The following POLR1A variants were observed in gnomAD, a reference collection of about 807,000 sequenced individuals.
POLR1A encodes the protein RNA polymerase I subunit A.
POLR1A carries 84 observed loss-of-function variants against 205.3 expected under a neutral mutation model. That is an observed-to-expected ratio of 0.41 (90% CI 0.34 to 0.49). The LOEUF is 0.49. Ranked by LOEUF, POLR1A falls within the 20% of genes least tolerant of loss-of-function variation. The pLI is 0.22. For missense variants in POLR1A, 1,645 were observed against 2,204.5 expected (o/e 0.75, Z 5.08); for synonymous variants, 799 against 863.7 (o/e 0.93, Z 1.31).
At chr2:86,059,265 T>C (rs140640817) in intron 14 of POLR1A, among the ~76,000 whole-genome samples, 60 of 152,362 alleles carry the variant, frequency 3.9e-4, no homozygotes, top group Admixed American at 7.2e-4. Flanking sequence ...AACATTTAAA[T>C]GAACTTCTTG....
chr2:86,094,200 G>A (rs1673660897), intron 3 of POLR1A, among the ~76,000 whole-genome samples: 1 of 152,206 alleles, frequency 6.6e-6, no homozygotes, highest in Admixed American at 6.5e-5. Flanking sequence ...CTATGTGTGT[G>A]TATGGGAGGG....
chr2:86,052,100 A>T (rs1368091478), intron 16 of POLR1A, among the ~76,000 whole-genome samples: 2 of 152,170 alleles, frequency 1.3e-5, no homozygotes, highest in African/African-American at 4.8e-5. Flanking sequence ...GCTTGCCACG[A>T]CACCTGGCTA....
At position 86,026,263 on chromosome 2, in the gene POLR1A, G is replaced by C. The variant is rs1672245391; in HGVS notation, c.*1160C>G. On this transcript the variant is annotated 3_prime_UTR_variant, in exon 34 of 34. Coordinates refer to ENST00000263857, the MANE Select transcript of POLR1A (RefSeq NM_015425.6). ...GAAGAGGGACCCAAGACCTGACTGT[G>C]CCAAGAAAATCCCCGCCCTGGGTTC... The C allele has an allele frequency of 6.6e-6, 1 of 152,158 alleles. No individual in the cohort carries two copies. Among genetic ancestry groups the C allele is most frequent in the Non-Finnish European group, 1.5e-5 (1 of 68,024 alleles). 9.4% of individuals were successfully genotyped at this position (152,158 alleles called of 1,614,324 possible). A position where few individuals can be genotyped will look rare whatever the true frequency, so the allele number is the denominator to read the frequency against.
intron 3 of POLR1A, among the ~76,000 whole-genome samples, chr2:86,091,854 C>T (rs1009028552): frequency 4.6e-5 from 7 of 152,150 alleles, no homozygotes; most frequent in African/African-American, 1.4e-4. Flanking sequence ...TGGCTCACAC[C>T]TGTAATCCCA....
At position 86,094,203 on chromosome 2, in the gene POLR1A, T is replaced by C. The variant is rs537413708; in HGVS notation, c.433-4274A>G. On this transcript the variant is annotated intron_variant, in intron 3 of 33. Transcript: ENST00000263857. ...AATTAAAAAAGACTATGTGTGTGTATGGGAGGGAGGGTACTTTGAAAGTGC... is the reference window on the plus strand; with the variant it reads ...AATTAAAAAAGACTATGTGTGTGTACGGGAGGGAGGGTACTTTGAAAGTGC... 7.2e-5 allele frequency among the ~76,000 whole-genome samples: 11 copies of C among 152,304 alleles called. No homozygotes were observed. The East Asian group carries it at 1.9e-3, about 27-fold the overall frequency.
At chr2:86,048,098 G>C (rs1460290927) in intron 18 of POLR1A, among the ~76,000 whole-genome samples, 1 of 152,206 alleles carries the variant, frequency 6.6e-6, no homozygotes. Context: ...CAGCCTAAGG[G>C]ATGCTAAAAG....
rs114299317 is a variant in POLR1A at position 86,089,825 on chromosome 2, T to G, written c.537A>C (p.Ala179=). 4.5e-3 allele frequency: 7,058 copies of G among 1,579,940 alleles called. 20 individuals are homozygous for G. The highest frequency in any genetic ancestry group is 5.4e-3 in the Non-Finnish European group (6,252 of 1,148,742). Residue 179 remains alanine, a synonymous_variant, in exon 4 of 34, where the codon GCA becomes GCC. Transcript: ENST00000263857. ...GAGAAAGACAGTGTTAACTCACATG[T>G]GCGCCCTGGGACCCCAGGAGGTTGT... ...VQNNLLGSQG[A]HVKNVCESKS...
rs568761400 is a variant in POLR1A, at chr2:86,098,741, C to T, written c.302G>A (p.Arg101Gln). ...LLFDKLYLLLRGSCLNCHMLT... is the reference protein window; with the variant it reads ...LLFDKLYLLLQGSCLNCHMLT... ...CATGTGGCAGTTTAAACAAGAGCCC[C>T]GAAGCAGCAGGTACAGCTTCTGAAG... Residue 101 changes from arginine to glutamine, a missense_variant, in exon 3 of 34, where the codon CGG (arginine) becomes CAG (glutamine). Transcript: ENST00000263857. 13 of 1,613,796 alleles carry T rather than the reference C, an allele frequency of 8.1e-6. No individual in the cohort carries two copies. The South Asian group carries it at 9.9e-5, about 12-fold the overall frequency.
intron 26 of POLR1A, 103 bp from the exon 27 acceptor site, chr2:86,038,960 A>T (rs1672549356): frequency 9.3e-7 from 1 of 1,074,572 alleles, no homozygotes; most frequent in African/African-American, 1.5e-5. Flanking sequence ...ATAGCAGCTG[A>T]GACCACAGGC....
Position 86,048,941 on chromosome 2 carries a change from G to A in POLR1A, c.2577C>T (p.Asn859=). Residue 859 remains asparagine, a synonymous_variant, in exon 18 of 34, where the codon AAC becomes AAT. Transcript: ENST00000263857. ...AHLGKDQRDF[N]MIDLKFKEEV... ...CCTCCTTGAACTTCAGATCAATCATGTTAAAATCCCTCTGGTCCTTGCCCA... is the reference window on the plus strand; with the variant it reads ...CCTCCTTGAACTTCAGATCAATCATATTAAAATCCCTCTGGTCCTTGCCCA... 6.2e-7 allele frequency: 1 copy of A among 1,614,128 alleles called. No homozygotes were observed. Among genetic ancestry groups the A allele is most frequent in the East Asian group, 2.2e-5 (1 of 44,876 alleles).
chr2:86,045,397 T>G, intron 20 of POLR1A, 37 bp from the exon 21 acceptor site: 1 of 1,523,560 alleles, frequency 6.6e-7, no homozygotes, highest in Non-Finnish European at 9.1e-7. Context: ...AAGGTGACAG[T>G]GAGGACAGTG....
intron 3 of POLR1A, among the ~76,000 whole-genome samples, chr2:86,090,870 A>T (rs1413945624): frequency 6.6e-6 from 1 of 152,234 alleles, no homozygotes; most frequent in Non-Finnish European, 1.5e-5. Flanking sequence ...GCTTGAGCCC[A>T]GGTGTTTGAG....
In POLR1A at chr2:86,027,156, T is replaced by G. The variant is rs955436641; in HGVS notation, c.*267A>C. ...TGCAGCACAGGTGAGGCCCCAGCCA[T>G]CTCAGGGGGACTCAGAAGACTTGGT... On this transcript the variant is annotated 3_prime_UTR_variant, in exon 34 of 34. Transcript: ENST00000263857. The G allele has an allele frequency of 5.7e-6, 3 of 529,820 alleles. No individual in the cohort carries two copies. The highest frequency in any genetic ancestry group is 6.8e-6 in the Non-Finnish European group (2 of 293,250). The allele number at this position is 529,820 out of a possible 1,614,324, so 32.8% of individuals were successfully genotyped here.
In POLR1A at chr2:86,040,384, C is replaced by T. The variant is rs2104388058; in HGVS notation, c.3740+8G>A. The T allele has an allele frequency of 5.0e-6, 8 of 1,593,382 alleles. No homozygotes were observed. The East Asian group carries it at 1.6e-4, about 31-fold the overall frequency. On this transcript the variant is annotated splice_region_variant and intron_variant, in intron 25 of 33. Coordinates refer to ENST00000263857, the MANE Select transcript of POLR1A (RefSeq NM_015425.6). ...AGACCCCACCCTGTGCTCCCTTGTG[C>T]CCCACACCTTGGAATGCCCAGGGTG...
At chr2:86,043,927 C>G (rs549548015) in intron 22 of POLR1A, among the ~76,000 whole-genome samples, 2 of 152,290 alleles carry the variant, frequency 1.3e-5, no homozygotes, top group African/African-American at 4.8e-5. Flanking sequence ...CAGAGGTGCT[C>G]GTGCCCTCCA....
chr2:86,071,148 A>C (rs1673171239), intron 12 of POLR1A, among the ~76,000 whole-genome samples: 1 of 150,952 alleles, frequency 6.6e-6, no homozygotes, highest in Non-Finnish European at 1.5e-5. Context: ...CAAAGAAAAA[A>C]AAAACCCAGG....
At chr2:86,066,533 CA>C (rs1248119656) in intron 13 of POLR1A, among the ~76,000 whole-genome samples, 1 of 152,122 alleles carries the variant, frequency 6.6e-6, no homozygotes, top group Non-Finnish European at 1.5e-5. Flanking sequence ...GTAAACTTTT[CA>C]ATGTTTATAG....
rs1672443020 is a variant in POLR1A, at chr2:86,033,742, T to C, written c.4080A>G (p.Lys1360=). 6.2e-7 allele frequency: 1 copy of C among 1,614,094 alleles called. No individual in the cohort carries two copies. The highest frequency in any genetic ancestry group is 1.3e-5 in the African/African-American group (1 of 75,064). ...LMESIKKKNN[K]ASAFRNVNTR... The stretch of plus-strand genomic sequence containing the variant: ...TGTTTACGTTCCTGAAAGCTGATGC[T>C]TTATTATTCTTCTTTTTGATGGATT... Residue 1360 remains lysine, a synonymous_variant, in exon 28 of 34, where the codon AAA becomes AAG. Coordinates refer to ENST00000263857, the MANE Select transcript of POLR1A (RefSeq NM_015425.6).
chr2:86,089,654 C>G (rs767746907), intron 4 of POLR1A, among the ~76,000 whole-genome samples, 168 bp downstream of exon 4: 1 of 152,190 alleles, frequency 6.6e-6, no homozygotes, highest in Non-Finnish European at 1.5e-5. Flanking sequence ...AGTGGACACT[C>G]AGGGACAGTT....
Sources: gnomAD v4.1 joint callset for allele counts (sites outside exome capture counted in the v4.1 genomes callset) on GRCh38, gnomAD v4.1.1 for gene constraint, MANE v1.5 for transcripts, NCBI Gene and HGNC (gene_info 2026-07-23, HGNC 2026-07-21) for gene names.